ZSCAN25: variants seen among roughly 807,000 people sequenced by gnomAD.
ZSCAN25 encodes zinc finger and SCAN domain containing 25, also known as zinc finger and SCAN domain-containing protein 25.
ZSCAN25 carries 27 observed loss-of-function variants against 38.7 expected under a neutral mutation model. The observed-to-expected ratio is 0.70, with a 90% CI of 0.51 to 0.96. The LOEUF (loss-of-function observed/expected upper bound fraction) is 0.96. Ranked by LOEUF, ZSCAN25 falls within the 40% of genes least tolerant of loss-of-function variation. ZSCAN25 has a pLI of 0.00. For missense variants in ZSCAN25, 637 were observed against 705.9 expected, an observed-to-expected ratio of 0.90 and a Z score of 1.11; for synonymous variants, 273 against 277.7, an observed-to-expected ratio of 0.98 and a Z score of 0.17.
chr7:99,694,043 C>T, the ZSCAN25 span, among the ~76,000 whole-genome samples: 1 of 152,166 alleles, frequency 6.6e-6, no homozygotes, highest in African/African-American at 2.4e-5. Context: ...TCTCAAAGTG[C>T]TGTAGATACT....
chr7:99,649,205 A>T, the ZSCAN25 span, among the ~76,000 whole-genome samples: 74 of 152,328 alleles, frequency 4.9e-4, 1 homozygote, highest in Admixed American at 3.7e-3. Flanking sequence ...CTCAGGGCTG[A>T]GCCCCCTGCC....
chr7:99,675,590 A>C, the ZSCAN25 span, among the ~76,000 whole-genome samples: 1 of 131,284 alleles, frequency 7.6e-6, no homozygotes, highest in Non-Finnish European at 1.6e-5. Flanking sequence ...TGGAGCCTAC[A>C]CACCTTTTCC....
the ZSCAN25 span, among the ~76,000 whole-genome samples, chr7:99,696,096 A>C: frequency 2.0e-5 from 3 of 152,206 alleles, no homozygotes; most frequent in Non-Finnish European, 2.9e-5. Context: ...TGGAATGAAT[A>C]CTTGATAAAT....
chr7:99,639,896 A>G, the ZSCAN25 span, among the ~76,000 whole-genome samples: 1 of 152,046 alleles, frequency 6.6e-6, no homozygotes, highest in Admixed American at 6.5e-5. Flanking sequence ...TGAGACCCCC[A>G]TCTCTACAAA....
the ZSCAN25 span, among the ~76,000 whole-genome samples, chr7:99,681,690 C>T: frequency 6.6e-6 from 1 of 152,188 alleles, no homozygotes; most frequent in African/African-American, 2.4e-5. Context: ...TTGAGCGCTT[C>T]ATGTATTCTG....
chr7:99,689,016 C>T, the ZSCAN25 span, among the ~76,000 whole-genome samples: 39 of 152,298 alleles, frequency 2.6e-4, no homozygotes, highest in Non-Finnish European at 4.6e-4. Flanking sequence ...ACATTCAAAG[C>T]AGTATGTAGA....
chr7:99,692,229 C>T, the ZSCAN25 span, among the ~76,000 whole-genome samples: 1 of 152,200 alleles, frequency 6.6e-6, no homozygotes, highest in African/African-American at 2.4e-5. Context: ...GACCCCCAAT[C>T]TCTTCTGTTT....
chr7:99,630,093 CTG>C lies in ZSCAN25; in HGVS notation c.*74_*75del, dbSNP rs1431498578. On this transcript the variant is annotated 3_prime_UTR_variant, in exon 8 of 8. Coordinates refer to ENST00000394152, the MANE Select transcript of ZSCAN25 (RefSeq NM_145115.3). ...GGCCTTGCGGGGTGCAAGGTGATGG[CTG>C]CAGGAAAGCACTGGTCCCATCGCCT... 3 of 1,448,170 alleles carry C rather than the reference CTG, an allele frequency of 2.1e-6. No individual in the cohort carries two copies. The Admixed American group carries it at 8.4e-5, about 41-fold the overall frequency. 89.7% of individuals were successfully genotyped at this position (1,448,170 alleles called of 1,614,324 possible). A position where few individuals can be genotyped will look rare whatever the true frequency, so the allele number is the denominator to read the frequency against.
chr7:99,684,169 ATTT>A, the ZSCAN25 span, among the ~76,000 whole-genome samples: 3 of 137,058 alleles, frequency 2.2e-5, no homozygotes, highest in African/African-American at 2.9e-5. Flanking sequence ...AAAAGGCATA[ATTT>A]TTTTTTTTTT....
At chr7:99,651,756 G>A in the ZSCAN25 span, among the ~76,000 whole-genome samples, 30 of 152,218 alleles carry the variant, frequency 2.0e-4, no homozygotes, top group Non-Finnish European at 2.2e-4. Context: ...TATCCAGAGT[G>A]CGAACTGTGC....
At chr7:99,679,489 A>G in the ZSCAN25 span, among the ~76,000 whole-genome samples, 7 of 152,144 alleles carry the variant, frequency 4.6e-5, no homozygotes, top group African/African-American at 1.7e-4. Context: ...TGAGGATCAC[A>G]CTGTCCATCA....
the ZSCAN25 span, chr7:99,665,429 C>G: frequency 7.1e-7 from 1 of 1,401,326 alleles, no homozygotes; most frequent in Non-Finnish European, 1.0e-6. Context: ...CACAGACTTT[C>G]AGAACTATCT....
At chr7:99,626,695 G>A (rs1413501920) in intron 7 of ZSCAN25, among the ~76,000 whole-genome samples, 1 of 152,210 alleles carries the variant, frequency 6.6e-6, no homozygotes, top group Non-Finnish European at 1.5e-5. Context: ...TGAGATCTAA[G>A]TGGATGGTCC....
At chr7:99,647,350 A>G in the ZSCAN25 span, 9 of 328,340 alleles carry the variant, frequency 2.7e-5, no homozygotes, top group Non-Finnish European at 3.5e-5. Flanking sequence ...CATGGCTGCA[A>G]CCCACCTAAT....
At chr7:99,734,966 C>T in the ZSCAN25 span, 14 of 1,612,320 alleles carry the variant, frequency 8.7e-6, no homozygotes, top group African/African-American at 1.1e-4. Context: ...AAAGAGAGGC[C>T]TGATTAGCAC....
At chr7:99,715,983 C>T in the ZSCAN25 span, 2 of 1,610,716 alleles carry the variant, frequency 1.2e-6, no homozygotes, top group Non-Finnish European at 1.7e-6. Flanking sequence ...GCAGGAAATC[C>T]ACATGTCCAG....
chr7:99,617,959 A>T (rs1806612582), intron 1 of ZSCAN25, among the ~76,000 whole-genome samples: 2 of 152,248 alleles, frequency 1.3e-5, no homozygotes, highest in Non-Finnish European at 2.9e-5. Flanking sequence ...AATGAAAGAG[A>T]AATCTCAATG....
At chr7:99,642,002 A>G in the ZSCAN25 span, among the ~76,000 whole-genome samples, 2 of 152,210 alleles carry the variant, frequency 1.3e-5, no homozygotes, top group Admixed American at 1.3e-4. Context: ...AAGTCCTTTC[A>G]TACCTGACAG....
the ZSCAN25 span, chr7:99,708,893 A>G: frequency 1.0e-6 from 1 of 987,064 alleles, no homozygotes; most frequent in Admixed American, 2.3e-5. Context: ...TGTGACAATG[A>G]TCAATTTCAT....
Sources: gnomAD v4.1 joint callset for allele counts (sites outside exome capture counted in the v4.1 genomes callset) on GRCh38, gnomAD v4.1.1 for gene constraint, MANE v1.5 for transcripts, NCBI Gene and HGNC (gene_info 2026-07-23, HGNC 2026-07-21) for gene names.